MATN2: variants seen among roughly 807,000 people sequenced by gnomAD.
MATN2 encodes the protein matrilin-2.
In MATN2, 69 loss-of-function variants were observed where a neutral mutation model predicts 103.2. That is an observed-to-expected ratio of 0.67 (90% CI 0.55 to 0.82). The LOEUF is 0.82. Ranked by LOEUF, MATN2 falls within the 40% of genes least tolerant of loss-of-function variation. The probability of loss-of-function intolerance (pLI) is 0.00; values close to 1 mark genes in which losing one functional copy is unlikely to be tolerated. For synonymous variants in MATN2, 429 were observed against 450.2 expected, an observed-to-expected ratio of 0.95 and a Z score of 0.60; for missense variants, 1,023 against 1,211.5, an observed-to-expected ratio of 0.84 and a Z score of 2.31.
chr8:97,989,659 A>G (rs969459393), intron 6 of MATN2, among the ~76,000 whole-genome samples: 2 of 152,182 alleles, frequency 1.3e-5, no homozygotes, highest in African/African-American at 4.8e-5. Context: ...CAGTGCAATA[A>G]GACAGAGAAA....
chr8:97,916,020 T>C (rs952742943), intron 2 of MATN2, among the ~76,000 whole-genome samples: 1 of 151,438 alleles, frequency 6.6e-6, no homozygotes, highest in Non-Finnish European at 1.5e-5. Context: ...AAAGAAAATG[T>C]TTTAATATCA....
chr8:97,989,443 T>C (rs970576718), intron 6 of MATN2, among the ~76,000 whole-genome samples: 1 of 139,494 alleles, frequency 7.2e-6, no homozygotes, highest in Non-Finnish European at 1.5e-5. Context: ...CACTCCAGCC[T>C]GGGCAACAGA....
chr8:97,945,346 A>C (rs1403288197), intron 4 of MATN2, among the ~76,000 whole-genome samples: 1 of 152,168 alleles, frequency 6.6e-6, no homozygotes, highest in Non-Finnish European at 1.5e-5. Context: ...ATAAGGAACA[A>C]AAAGTTTAGA....
intron 7 of MATN2, among the ~76,000 whole-genome samples, chr8:97,995,498 A>G (rs1011944922): frequency 1.3e-5 from 2 of 152,040 alleles, no homozygotes; most frequent in Non-Finnish European, 2.9e-5. Context: ...TGCACACTGA[A>G]TTGTTTGGGG....
At chr8:98,022,141 T>C (rs998853616) in intron 13 of MATN2, among the ~76,000 whole-genome samples, 10 of 152,198 alleles carry the variant, frequency 6.6e-5, no homozygotes, top group Non-Finnish European at 1.5e-5. Flanking sequence ...TTAAGGCACA[T>C]CTATGTAATA....
chr8:97,938,098 A>G (rs1393065208), intron 3 of MATN2, among the ~76,000 whole-genome samples: 1 of 152,132 alleles, frequency 6.6e-6, no homozygotes, highest in Non-Finnish European at 1.5e-5. Flanking sequence ...GACAGGCACC[A>G]GGTACATCAC....
intron 2 of MATN2, among the ~76,000 whole-genome samples, chr8:97,918,976 G>C (rs1409372579): frequency 6.6e-6 from 1 of 152,142 alleles, no homozygotes; most frequent in Non-Finnish European, 1.5e-5. Flanking sequence ...TATCTGTCAT[G>C]CATATGATCT....
At chr8:97,963,675 A>T (rs1811388371) in intron 5 of MATN2, among the ~76,000 whole-genome samples, 1 of 151,942 alleles carries the variant, frequency 6.6e-6, no homozygotes, top group Non-Finnish European at 1.5e-5. Flanking sequence ...GAATGTCTGC[A>T]TTTTCTCAGT....
chr8:97,961,592 G>C (rs1811320674), intron 5 of MATN2, 62 bp downstream of exon 5: 1 of 1,502,886 alleles, frequency 6.7e-7, no homozygotes, highest in South Asian at 1.3e-5. Context: ...GAGGAGGAGG[G>C]GAGACTCACG....
At chr8:97,988,152 CAAAA>C (rs869146483) in intron 6 of MATN2, among the ~76,000 whole-genome samples, 3 of 65,868 alleles carry the variant, frequency 4.6e-5, no homozygotes, top group Non-Finnish European at 7.8e-5. Context: ...CCATCTCCAC[CAAAA>C]AAAAAAAAAA....
At chr8:97,939,437 C>T (rs1810481292) in intron 3 of MATN2, among the ~76,000 whole-genome samples, 1 of 152,142 alleles carries the variant, frequency 6.6e-6, no homozygotes, top group South Asian at 2.1e-4. Context: ...TGCTTGTTCA[C>T]AGAATGAAAG....
chr8:97,974,135 T>A (rs983466197), intron 5 of MATN2, among the ~76,000 whole-genome samples: 2 of 152,196 alleles, frequency 1.3e-5, no homozygotes, highest in African/African-American at 4.8e-5. Flanking sequence ...TATTGGTTTT[T>A]ATTTTATTTA....
At chr8:98,025,331 C>G (rs1001881400) in intron 13 of MATN2, 1 of 163,704 alleles carries the variant, frequency 6.1e-6, no homozygotes, top group Non-Finnish European at 1.3e-5. Context: ...ACTGGCCAGG[C>G]ATAGAAATGG....
Position 98,027,766 on chromosome 8 carries a change from G to A in MATN2, c.2293G>A (p.Val765Met), listed in dbSNP as rs1213167371. ...CACAAGGGTGCCCAGAGCAGCCATT[G>A]TGTTCACCGACGGACGGGCTCAGGA... ...LSTRVPRAAI[V>M]FTDGRAQDDV... is the part of the protein sequence containing the mutation. Residue 765 changes from valine to methionine, a missense_variant, in exon 14 of 19, where the codon GTG becomes ATG. Transcript: ENST00000254898. 2 of 1,609,278 alleles carry A rather than the reference G, an allele frequency of 1.2e-6. No individual in the cohort carries two copies. The highest frequency in any genetic ancestry group is 3.4e-5 in the Admixed American group (2 of 58,608).
chr8:98,017,661 T>C (rs1813411465), intron 11 of MATN2, among the ~76,000 whole-genome samples: 1 of 152,260 alleles, frequency 6.6e-6, no homozygotes, highest in Non-Finnish European at 1.5e-5. Context: ...GCTGCTAATC[T>C]AAATTGAGGT....
At chr8:97,976,128 CT>C (rs34975103) in intron 5 of MATN2, among the ~76,000 whole-genome samples, 1,596 of 146,394 alleles carry the variant, frequency 0.011, 25 homozygotes, top group African/African-American at 0.034. Context: ...TAGACTGAAA[CT>C]TTTTTTTTTT....
In MATN2 at chr8:97,982,148, A is replaced by C. The variant is rs1812049032; in HGVS notation, c.1081+3140A>C. 6.6e-6 allele frequency among the ~76,000 whole-genome samples: 1 copy of C among 152,202 alleles called. No homozygotes were observed. The highest frequency in any genetic ancestry group is 6.5e-5 in the Admixed American group (1 of 15,282). ...CATGCTTGGGGTGGGCAGGAGCCAG[A>C]CCCAGGAGGAGGGAGACAAGAGGAA... On this transcript the variant is annotated intron_variant, in intron 6 of 18. Transcript: ENST00000254898. This position sits in a 1 kb window ranked among gnomAD's most constrained non-coding sequence, Gnocchi z 4.3.
chr8:97,907,734 G>A (rs1243266970), intron 2 of MATN2, among the ~76,000 whole-genome samples: 4 of 152,144 alleles, frequency 2.6e-5, no homozygotes, highest in Non-Finnish European at 5.9e-5. Context: ...GGATAATAAT[G>A]ATACCTCCCT....
intron 3 of MATN2, among the ~76,000 whole-genome samples, chr8:97,936,399 C>T (rs973347116): frequency 9.9e-5 from 15 of 152,084 alleles, no homozygotes; most frequent in Non-Finnish European, 2.1e-4. Context: ...TAATAGTATT[C>T]CTAGGACACA....
Sources: allele counts gnomAD v4.1 joint callset (sites outside exome capture counted in the v4.1 genomes callset), GRCh38; gene constraint gnomAD v4.1.1; non-coding constraint Gnocchi (gnomAD v3.1); transcripts MANE v1.5; gene names NCBI Gene and HGNC (gene_info 2026-07-23, HGNC 2026-07-21).